SPIN1: variants seen among roughly 807,000 people sequenced by gnomAD.
SPIN1 encodes spindlin-1.
In SPIN1, 3 loss-of-function variants were observed where a neutral mutation model predicts 26.0. That is an observed-to-expected ratio of 0.12 (90% confidence interval 0.05 to 0.30). SPIN1 has a LOEUF of 0.30. Ranked by LOEUF, SPIN1 falls within the 10% of genes least tolerant of loss-of-function variation. SPIN1 has a pLI of 1.00. For missense variants in SPIN1, 126 were observed against 333.4 expected (o/e 0.38, Z 4.84); for synonymous variants, 101 against 116.5 (o/e 0.87, Z 0.86).
At chr9:88,452,615 G>A (rs1828375946) in intron 3 of SPIN1, among the ~76,000 whole-genome samples, 1 of 152,198 alleles carries the variant, frequency 6.6e-6, no homozygotes, top group Admixed American at 6.5e-5. Context: ...TTCCCAAAGT[G>A]CGCAGTGTGT....
At chr9:88,411,559 G>T in intron 1 of SPIN1, 1 of 614,544 alleles carries the variant, frequency 1.6e-6, no homozygotes, top group South Asian at 2.1e-5. Flanking sequence ...TGTCACCCAG[G>T]CTAGAGTGCA....
intron 2 of SPIN1, among the ~76,000 whole-genome samples, chr9:88,446,853 T>C (rs1828261537): frequency 1.3e-5 from 2 of 152,236 alleles, no homozygotes; most frequent in Admixed American, 6.5e-5. Context: ...AAAAAACTTA[T>C]TTGTATCAAT....
At chr9:88,414,590 T>C (rs982838665) in intron 1 of SPIN1, among the ~76,000 whole-genome samples, 1 of 152,260 alleles carries the variant, frequency 6.6e-6, no homozygotes, top group Non-Finnish European at 1.5e-5. Context: ...GAAGACTATG[T>C]GCTCTATCCT....
intron 4 of SPIN1, among the ~76,000 whole-genome samples, chr9:88,466,634 G>A (rs574649550): frequency 2.0e-5 from 3 of 152,294 alleles, no homozygotes; most frequent in South Asian, 2.1e-4. Context: ...AAATTAAATA[G>A]CAATACATGT....
rs745590731 is a variant in SPIN1, at chr9:88,444,236, A to ATTTT, written c.53-4686_53-4683dup. On this transcript the variant is annotated intron_variant, in intron 2 of 5. Coordinates refer to ENST00000375859, the MANE Select transcript of SPIN1 (RefSeq NM_006717.3). ...TCCCTTTTCATAGCCTCTTGTTCCC[A>ATTTT]TTTTTTTTTTTTTTTTTTTTTTGAG... Among the ~76,000 whole-genome samples, 17 of 102,426 alleles carry ATTTT rather than the reference A, an allele frequency of 1.7e-4. 1 individual carries two copies. The highest frequency in any genetic ancestry group is 2.6e-4 in the African/African-American group (6 of 23,372). The allele number at this position is 102,426 out of a possible 152,430, so 67.2% of individuals were successfully genotyped here. A position where few individuals can be genotyped will look rare whatever the true frequency, so the allele number is the denominator to read the frequency against.
chr9:88,464,139 A>G (rs894059289), intron 4 of SPIN1, among the ~76,000 whole-genome samples: 1 of 152,260 alleles, frequency 6.6e-6, no homozygotes, highest in Non-Finnish European at 1.5e-5. Context: ...TTTTGTAAAC[A>G]TTCAAGCAAT....
intron 3 of SPIN1, among the ~76,000 whole-genome samples, chr9:88,455,615 C>T (rs1249227949): frequency 2.0e-5 from 3 of 152,254 alleles, no homozygotes; most frequent in East Asian, 1.9e-4. Flanking sequence ...CTTTTTCCTA[C>T]GTACCTGTAA....
chr9:88,406,811 A>C (rs781541260), intron 1 of SPIN1, among the ~76,000 whole-genome samples: 1 of 152,068 alleles, frequency 6.6e-6, no homozygotes, highest in African/African-American at 2.4e-5. Flanking sequence ...TTACTTAAAC[A>C]TGAATCTTTT....
intron 1 of SPIN1, chr9:88,415,779 T>G (rs983559705): frequency 3.3e-5 from 5 of 152,144 alleles, no homozygotes; most frequent in Non-Finnish European, 7.3e-5. Flanking sequence ...AGTCTAGCTC[T>G]GTCGCTCAGG....
chr9:88,447,660 C>T (rs1462156059), intron 2 of SPIN1, among the ~76,000 whole-genome samples: 1 of 152,220 alleles, frequency 6.6e-6, no homozygotes, highest in African/African-American at 2.4e-5. Context: ...AGACTTAAGA[C>T]ATCCTCCCCC....
At chr9:88,423,003 C>A (rs1208687869) in intron 1 of SPIN1, among the ~76,000 whole-genome samples, 1 of 152,188 alleles carries the variant, frequency 6.6e-6, no homozygotes, top group Non-Finnish European at 1.5e-5. Context: ...GCCACCACAC[C>A]CAGCTGAGGG....
In SPIN1 at chr9:88,450,547, C is replaced by A. The variant is rs916646483; in HGVS notation, c.101+1558C>A. On this transcript the variant is annotated intron_variant, in intron 3 of 5. Coordinates refer to ENST00000375859, the MANE Select transcript of SPIN1 (RefSeq NM_006717.3). ...CCTCATCCTAATAAGCCATACTGTT[C>A]ATTAATTCATAGGTTTGATTCCCTA... Among the ~76,000 whole-genome samples, 4 of 152,220 alleles carry A rather than the reference C, an allele frequency of 2.6e-5. No homozygotes were observed. In the East Asian group the frequency reaches 7.7e-4, roughly 29 times the overall value.
chr9:88,442,310 C>T (rs909969485), intron 2 of SPIN1, among the ~76,000 whole-genome samples: 1 of 151,672 alleles, frequency 6.6e-6, no homozygotes, highest in Non-Finnish European at 1.5e-5. Flanking sequence ...GTTCCCTCTA[C>T]TATCTTCCTT....
At chr9:88,468,277 A>G (rs1828711292) in intron 4 of SPIN1, 95 bp from the exon 5 acceptor site, 3 of 936,318 alleles carry the variant, frequency 3.2e-6, no homozygotes, top group Non-Finnish European at 4.6e-6. Context: ...CATGGACAAA[A>G]TTTCAGGTGT....
intron 2 of SPIN1, among the ~76,000 whole-genome samples, chr9:88,428,515 T>C (rs529305490): frequency 2.6e-5 from 4 of 152,368 alleles, no homozygotes; most frequent in Non-Finnish European, 5.9e-5. Context: ...TTGATTTCAT[T>C]CTTTTTCATG....
intron 4 of SPIN1, among the ~76,000 whole-genome samples, chr9:88,464,305 G>T (rs1473779248): frequency 6.6e-6 from 1 of 152,214 alleles, no homozygotes; most frequent in East Asian, 1.9e-4. Flanking sequence ...CAAAACAGCA[G>T]TTACTTTGGC....
At chr9:88,437,905 A>G (rs7048528) in intron 2 of SPIN1, among the ~76,000 whole-genome samples, 28,161 of 152,092 alleles carry the variant, frequency 0.19, 3,376 homozygotes, top group African/African-American at 0.34. Context: ...CAAGCCTGCA[A>G]TCCCAGCACT....
chr9:88,448,898 T>C (rs1279593313), intron 2 of SPIN1, 43 bp from the exon 3 acceptor site: 1 of 1,596,530 alleles, frequency 6.3e-7, no homozygotes. Flanking sequence ...TGAGGTATTC[T>C]TTTATCTGGT....
chr9:88,453,696 T>C (rs1278531446), intron 3 of SPIN1, among the ~76,000 whole-genome samples: 1 of 152,178 alleles, frequency 6.6e-6, no homozygotes, highest in Non-Finnish European at 1.5e-5. Flanking sequence ...CCGACTGATT[T>C]TGTATTTTTG....
Sources: allele counts gnomAD v4.1 joint callset (sites outside exome capture counted in the v4.1 genomes callset), GRCh38; gene constraint gnomAD v4.1.1; transcripts MANE v1.5; gene names NCBI Gene and HGNC (gene_info 2026-07-23, HGNC 2026-07-21).